The following PIEZO2 variants were observed in gnomAD, a reference collection of about 807,000 sequenced individuals.
The protein encoded by PIEZO2 is piezo-type mechanosensitive ion channel component 2.
A neutral mutation model predicts 337.3 loss-of-function variants in PIEZO2; 172 were observed. The observed-to-expected ratio is 0.51, with a 90% CI of 0.45 to 0.58. The LOEUF (loss-of-function observed/expected upper bound fraction) is 0.58, where lower values mean the gene tolerates loss of function less well. PIEZO2 is among the 20% of genes least tolerant of loss of function. The probability of loss-of-function intolerance (pLI) is 0.00; values close to 1 mark genes in which losing one functional copy is unlikely to be tolerated. For synonymous variants in PIEZO2, 1,251 were observed against 1,228.5 expected, an observed-to-expected ratio of 1.02 and a Z score of -0.38; for missense variants, 3,028 against 3,391.3, an observed-to-expected ratio of 0.89 and a Z score of 2.66.
intron 1 of PIEZO2, among the ~76,000 whole-genome samples, 184 bp from the exon 2 acceptor site, chr18:11,066,406 G>A (rs2038152698): frequency 6.6e-6 from 1 of 152,124 alleles, no homozygotes; most frequent in Non-Finnish European, 1.5e-5. Flanking sequence ...ACTGTGTTGA[G>A]CATGACGAGA....
At chr18:10,938,888 C>T (rs1474591978) in intron 3 of PIEZO2, among the ~76,000 whole-genome samples, 1 of 151,966 alleles carries the variant, frequency 6.6e-6, no homozygotes, top group Admixed American at 6.6e-5. Context: ...AGATCGAGAC[C>T]ATCCTGGCTA....
At chr18:10,864,336 A>G (rs2041951687) in intron 5 of PIEZO2, among the ~76,000 whole-genome samples, 1 of 152,104 alleles carries the variant, frequency 6.6e-6, no homozygotes, top group Non-Finnish European at 1.5e-5. Context: ...ATGGGACCCC[A>G]GTGGTTTTCT....
intron 7 of PIEZO2, among the ~76,000 whole-genome samples, chr18:10,809,256 CTCTCTTTTTTTTTTTT>C (rs2040100709): frequency 9.5e-6 from 1 of 105,578 alleles, no homozygotes; most frequent in Admixed American, 1.0e-4. Context: ...CTCTCTCTCT[CTCTCTTTTTTTTTTTT>C]TTTTTTTTTT....
intron 1 of PIEZO2, among the ~76,000 whole-genome samples, chr18:11,141,797 C>A (rs577199546): frequency 6.6e-6 from 1 of 152,030 alleles, no homozygotes; most frequent in Non-Finnish European, 1.5e-5. Flanking sequence ...AATACTGAGG[C>A]GACAATAACC....
At chr18:11,124,956 T>A (rs1171538138) in intron 1 of PIEZO2, among the ~76,000 whole-genome samples, 2 of 152,198 alleles carry the variant, frequency 1.3e-5, no homozygotes, top group Non-Finnish European at 2.9e-5. Flanking sequence ...TGTACCTGAA[T>A]GTATACTAGA....
rs1255769484 is a variant in PIEZO2, at chr18:10,854,991, C to T, written c.917+362G>A. The stretch of plus-strand genomic sequence containing the variant: ...GCTTAATTTGTTCTCGTATATTAGG[C>T]CCATGAAACGCCTTTCTAGCTGGAT... On this transcript the variant is annotated intron_variant, in intron 7 of 55. Coordinates refer to ENST00000674853, the MANE Select transcript of PIEZO2 (RefSeq NM_001378183.1). This position sits in a 1 kb window ranked among gnomAD's most constrained non-coding sequence, Gnocchi z 4.6. Among the ~76,000 whole-genome samples the T allele has an allele frequency of 2.0e-5, 3 of 152,148 alleles. No individual in the cohort carries two copies. Among genetic ancestry groups the T allele is most frequent in the Non-Finnish European group, 4.4e-5 (3 of 68,038 alleles).
At position 10,761,241 on chromosome 18, in the gene PIEZO2, A is replaced by G. The variant is rs2143865049; in HGVS notation, c.3250-130T>C. The G allele has an allele frequency of 3.0e-5, 23 of 779,262 alleles. 1 individual carries two copies. The South Asian group carries it at 4.0e-4, about 13-fold the overall frequency. 48.3% of individuals were successfully genotyped at this position (779,262 alleles called of 1,614,324 possible). Reference sequence around the variant, plus strand: ...AGCTCACCTCTCTTAAGCAGTTTTGAGCTCAATATTCGTTTTCTCTGTCTT... The same window carrying G: ...AGCTCACCTCTCTTAAGCAGTTTTGGGCTCAATATTCGTTTTCTCTGTCTT... On this transcript the variant is annotated intron_variant, in intron 23 of 55. Transcript: ENST00000674853.
chr18:10,871,104 T>A, intron 5 of PIEZO2, 149 bp downstream of exon 5: 1 of 816,870 alleles, frequency 1.2e-6, no homozygotes, highest in Non-Finnish European at 1.8e-6. Flanking sequence ...CACGAGGGTG[T>A]CATGCAATTT....
intron 36 of PIEZO2, among the ~76,000 whole-genome samples, chr18:10,722,478 CT>C (rs58874084): frequency 0.046 from 6,966 of 152,130 alleles, 530 homozygotes; most frequent in African/African-American, 0.16. Context: ...AATCTGCCCC[CT>C]TCGGCCTCCC....
At chr18:11,057,895 T>C (rs2037788570) in intron 2 of PIEZO2, among the ~76,000 whole-genome samples, 1 of 152,222 alleles carries the variant, frequency 6.6e-6, no homozygotes, top group African/African-American at 2.4e-5. Context: ...CTTTCTTCTA[T>C]AGCACAGTAG....
At position 11,104,701 on chromosome 18, in the gene PIEZO2, C is replaced by A. The variant is rs888126280; in HGVS notation, c.65-38479G>T. Among the ~76,000 whole-genome samples, 3 of 152,188 alleles carry A rather than the reference C, an allele frequency of 2.0e-5. No individual in the cohort carries two copies. Among genetic ancestry groups the A allele is most frequent in the Non-Finnish European group, 4.4e-5 (3 of 68,036 alleles). On this transcript the variant is annotated intron_variant, in intron 1 of 55. Coordinates refer to ENST00000674853, the MANE Select transcript of PIEZO2 (RefSeq NM_001378183.1). This position sits in a 1 kb window ranked among gnomAD's most constrained non-coding sequence, Gnocchi z 4.6. ...TCTGTGGCCCGGCTGAGCCAAGATG[C>A]CATGAACATGCAGGGCAGGCAAGAA... is the stretch of plus-strand genomic sequence containing the variant.
chr18:11,022,241 G>C (rs907520262), intron 2 of PIEZO2, among the ~76,000 whole-genome samples: 1 of 152,156 alleles, frequency 6.6e-6, no homozygotes, highest in African/African-American at 2.4e-5. Context: ...CTGACCTTTG[G>C]AGTGGGTATG....
At chr18:10,787,321 T>C (rs2039258696) in intron 15 of PIEZO2, 137 bp from the exon 16 acceptor site, 2 of 950,054 alleles carry the variant, frequency 2.1e-6, no homozygotes, top group East Asian at 2.7e-5. Flanking sequence ...TCATTTCTAG[T>C]TTTTAATGTT....
chr18:11,010,977 A>G (rs899742891), intron 2 of PIEZO2, among the ~76,000 whole-genome samples: 1 of 152,236 alleles, frequency 6.6e-6, no homozygotes, highest in Non-Finnish European at 1.5e-5. Context: ...TGATGTGTTC[A>G]TGCGACATCA....
chr18:10,868,502 C>A (rs1448701537), intron 5 of PIEZO2, among the ~76,000 whole-genome samples: 1 of 152,022 alleles, frequency 6.6e-6, no homozygotes, highest in Non-Finnish European at 1.5e-5. Context: ...TGGAACGTGA[C>A]AAGAGAATAA....
rs1469697099 is a variant in PIEZO2, at chr18:10,744,133, C to T, written c.4514+9G>A. On this transcript the variant is annotated intron_variant, in intron 31 of 55. Transcript: ENST00000674853. ...ACGGAAGGAGGATGAGCATCAATAG[C>T]ATCCTTACTGTCGCTTCAGCTGGTC... 17 of 1,519,594 alleles carry T rather than the reference C, an allele frequency of 1.1e-5. No homozygotes were observed. In the East Asian group the frequency reaches 3.4e-4, roughly 31 times the overall value. 94.1% of individuals were successfully genotyped at this position (1,519,594 alleles called of 1,614,324 possible).
intron 2 of PIEZO2, among the ~76,000 whole-genome samples, chr18:10,983,415 G>T (rs2034745262): frequency 6.6e-6 from 1 of 152,098 alleles, no homozygotes. Context: ...ATCAACAGAG[G>T]CCTGATTGGC....
intron 2 of PIEZO2, among the ~76,000 whole-genome samples, chr18:11,004,853 G>A (rs189939419): frequency 8.5e-5 from 13 of 152,304 alleles, no homozygotes; most frequent in African/African-American, 2.6e-4. Flanking sequence ...TGATTTGTGC[G>A]TTTCCTACTG....
In PIEZO2 at chr18:11,129,740, T is replaced by C. The variant is rs2040287299; in HGVS notation, c.64+18785A>G. ...TAACTGTGCATTGAGGAAAGGGAAA[T>C]GATCAGACATTTCAGGGACTACTGG... On this transcript the variant is annotated intron_variant, in intron 1 of 55. Transcript: ENST00000674853. The surrounding 1 kb of genome is among the most constrained non-coding windows in gnomAD (Gnocchi z 4.6). Among the ~76,000 whole-genome samples, 1 of 152,178 alleles carries C rather than the reference T, an allele frequency of 6.6e-6. No homozygotes were observed. The highest frequency in any genetic ancestry group is 6.5e-5 in the Admixed American group (1 of 15,286).
Sources: gnomAD v4.1 joint callset for allele counts (sites outside exome capture counted in the v4.1 genomes callset) on GRCh38, gnomAD v4.1.1 for gene constraint, Gnocchi (gnomAD v3.1) non-coding constraint, MANE v1.5 for transcripts, NCBI Gene and HGNC (gene_info 2026-07-23, HGNC 2026-07-21) for gene names.